TOGARAM2: variants seen among roughly 807,000 people sequenced by gnomAD.
TOGARAM2 encodes the protein TOG array regulator of axonemal microtubules 2, also known as TOG array regulator of axonemal microtubules protein 2.
Under a neutral mutation model 93.3 loss-of-function variants are expected in TOGARAM2, and 85 were observed. The observed-to-expected ratio is 0.91, with a 90% CI of 0.76 to 1.09. TOGARAM2 has a LOEUF of 1.09. Among genes scored for constraint, TOGARAM2 ranks in the 50% least tolerant of loss-of-function variants. TOGARAM2 has a pLI of 0.00. For synonymous variants in TOGARAM2, 593 were observed against 552.8 expected (o/e 1.07, Z -1.02); for missense variants, 1,277 against 1,334.5 (o/e 0.96, Z 0.67).
rs748135386 is a variant in TOGARAM2, at chr2:28,991,876, C to T, written c.-110-2849C>T. Among the ~76,000 whole-genome samples, 7 of 152,308 alleles carry T rather than the reference C, an allele frequency of 4.6e-5. No individual in the cohort carries two copies. In the East Asian group the frequency reaches 9.7e-4, roughly 21 times the overall value. On this transcript the variant is annotated intron_variant, in intron 1 of 19. Transcript: ENST00000379558. ...TAGCATTAATGGGAGGAGGGGACAA[C>T]GGTTACTTACCCCGGGTCGCCCCAT...
At chr2:29,010,967 GC>G (rs1054386127) in intron 6 of TOGARAM2, among the ~76,000 whole-genome samples, 4 of 152,074 alleles carry the variant, frequency 2.6e-5, no homozygotes, top group African/African-American at 9.7e-5. Flanking sequence ...GATCAGCTCC[GC>G]CCCCCAGGCC....
At chr2:29,009,549 A>C (rs140091672) in intron 6 of TOGARAM2, among the ~76,000 whole-genome samples, 1 of 150,218 alleles carries the variant, frequency 6.7e-6, no homozygotes, top group Admixed American at 6.6e-5. Context: ...GGCGGGATGA[A>C]TGGCAGGGCT....
At chr2:29,010,333 A>G (rs72788120) in intron 6 of TOGARAM2, among the ~76,000 whole-genome samples, 11,468 of 152,092 alleles carry the variant, frequency 0.075, 514 homozygotes, top group African/African-American at 0.12. Flanking sequence ...GGTGCCCTGG[A>G]GCATTCGCTT....
chr2:29,026,969 A>C lies in TOGARAM2; in HGVS notation c.1970A>C (p.His657Pro). ...AGAGACAGCACAGACATGTTGGTGC[A>C]CAACCTGGTGAGGCTGGCACAGGAC... ...GTRDSTDMLV[H>P]NLVRLAQDSN... The change falls in exon 14 of 20, where the codon CAC (histidine) becomes CCC (proline). Residue 657 changes from histidine (H) to proline (P), a missense_variant. His to Pro is a moderately conservative substitution (Grantham distance 77). Coordinates refer to ENST00000379558, the MANE Select transcript of TOGARAM2 (RefSeq NM_199280.4). 6.4e-7 allele frequency: 1 copy of C among 1,567,778 alleles called. No homozygotes were observed. The highest frequency in any genetic ancestry group is 8.6e-7 in the Non-Finnish European group (1 of 1,156,196).
chr2:29,024,782 G>T (rs923988686), intron 13 of TOGARAM2, among the ~76,000 whole-genome samples: 3 of 152,168 alleles, frequency 2.0e-5, no homozygotes, highest in Non-Finnish European at 4.4e-5. Flanking sequence ...GGGCTGCAGA[G>T]GCAGCCTGAG....
intron 1 of TOGARAM2, among the ~76,000 whole-genome samples, chr2:28,986,447 A>G (rs1266983530): frequency 6.6e-6 from 1 of 152,192 alleles, no homozygotes. Context: ...ACAGTTGGGA[A>G]GTGCTGCTTT....
At chr2:29,010,644 C>T (rs1036853424) in intron 6 of TOGARAM2, among the ~76,000 whole-genome samples, 2 of 151,226 alleles carry the variant, frequency 1.3e-5, no homozygotes, top group African/African-American at 2.4e-5. Context: ...TGTCAGCCCC[C>T]CAGTGGGTCC....
intron 1 of TOGARAM2, among the ~76,000 whole-genome samples, chr2:28,987,672 TTGTC>T (rs1285876095): frequency 6.6e-6 from 1 of 152,208 alleles, no homozygotes; most frequent in Admixed American, 6.5e-5. Flanking sequence ...GTTTGTCCCT[TTGTC>T]TGCATTCTGT....
At chr2:29,011,416 C>T (rs1383823284) in intron 6 of TOGARAM2, 39 bp from the exon 7 acceptor site, 6 of 1,605,778 alleles carry the variant, frequency 3.7e-6, no homozygotes, top group Admixed American at 1.7e-5. Flanking sequence ...TCTGGCTGGC[C>T]ATCCCTCATG....
At chr2:28,991,744 G>A (rs886868663) in intron 1 of TOGARAM2, among the ~76,000 whole-genome samples, 2 of 152,192 alleles carry the variant, frequency 1.3e-5, no homozygotes, top group African/African-American at 4.8e-5. Context: ...CTTCTTTACT[G>A]GGCCAGCCCT....
rs1324449772 is a variant in TOGARAM2 at position 28,983,216 on chromosome 2, T to A, written c.-111+1678T>A. Among the ~76,000 whole-genome samples, 678 of 126,084 alleles carry A rather than the reference T, an allele frequency of 5.4e-3. 10 individuals carry two copies. Among genetic ancestry groups the A allele is most frequent in the African/African-American group, 0.014 (444 of 31,904 alleles). 82.7% of individuals were successfully genotyped at this position (126,084 alleles called of 152,430 possible). ...TATATATATTTTTTTTTTTTTTTTT[T>A]TTTTTTTTTTGTAGAGATGGGTTTT... On this transcript the variant is annotated intron_variant, in intron 1 of 19. Coordinates refer to ENST00000379558, the MANE Select transcript of TOGARAM2 (RefSeq NM_199280.4).
chr2:28,969,937 C>T (rs934295524), intron 1 of TOGARAM2, among the ~76,000 whole-genome samples: 1 of 151,798 alleles, frequency 6.6e-6, no homozygotes, highest in African/African-American at 2.4e-5. Flanking sequence ...CTGAGCCTCC[C>T]AAGTAGCTGA....
At chr2:29,020,275 G>A (rs1406397453) in intron 10 of TOGARAM2, among the ~76,000 whole-genome samples, 1 of 152,230 alleles carries the variant, frequency 6.6e-6, no homozygotes, top group Non-Finnish European at 1.5e-5. Flanking sequence ...GTGGGTTACA[G>A]ATTGGGAGTG....
chr2:28,982,710 C>T (rs1482374635), intron 1 of TOGARAM2, among the ~76,000 whole-genome samples: 1 of 152,188 alleles, frequency 6.6e-6, no homozygotes, highest in Non-Finnish European at 1.5e-5. Flanking sequence ...CTCAGAGGCA[C>T]CAGACTCTGC....
At chr2:29,051,507 TA>T in intron 19 of TOGARAM2, 1 of 354,032 alleles carries the variant, frequency 2.8e-6, no homozygotes. Flanking sequence ...AAAAAATATT[TA>T]AAAATTATAG....
intron 19 of TOGARAM2, chr2:29,048,341 A>C (rs1006934454): frequency 3.9e-5 from 6 of 152,140 alleles, no homozygotes; most frequent in African/African-American, 1.4e-4. Flanking sequence ...ATCACCCCCC[A>C]TTAAAAGAAT....
In TOGARAM2 at chr2:29,017,196, C is replaced by G. The variant is rs1664632136; in HGVS notation, c.1087C>G (p.Leu363Val). Residue 363 changes from leucine to valine, a missense_variant, in exon 9 of 20, where the codon CTG becomes GTG. Leu to Val is a conservative substitution (Grantham distance 32). Coordinates refer to ENST00000379558, the MANE Select transcript of TOGARAM2 (RefSeq NM_199280.4). ...CAAGTCTGCCCGGGAGAAGATGCAG[C>G]TGAAGCAGATGAAGGAGATGGAGCT... Reference protein sequence around the residue: ...ISKSAREKMQLKQMKEMELLR... With the variant: ...ISKSAREKMQVKQMKEMELLR... 1 of 1,613,808 alleles carries G rather than the reference C, an allele frequency of 6.2e-7. No homozygotes were observed. The highest frequency in any genetic ancestry group is 1.1e-5 in the South Asian group (1 of 91,056).
At chr2:29,049,559 C>T (rs981151277) in intron 19 of TOGARAM2, 4 of 152,294 alleles carry the variant, frequency 2.6e-5, no homozygotes, top group Non-Finnish European at 5.9e-5. Flanking sequence ...TTCCCTCTCA[C>T]TGTCCCCCTT....
intron 1 of TOGARAM2, among the ~76,000 whole-genome samples, chr2:28,991,905 C>A (rs953101863): frequency 6.6e-6 from 1 of 152,194 alleles, no homozygotes. Context: ...GCCCCATTCC[C>A]TGGGCTGGGA....
Sources: gnomAD v4.1 joint callset for allele counts (sites outside exome capture counted in the v4.1 genomes callset) on GRCh38, gnomAD v4.1.1 for gene constraint, MANE v1.5 for transcripts, NCBI Gene and HGNC (gene_info 2026-07-23, HGNC 2026-07-21) for gene names.